Variants in NOP58 observed in about 807,000 individuals in gnomAD.
The protein encoded by NOP58 is nucleolar protein 58.
A neutral mutation model predicts 71.2 loss-of-function variants in NOP58; 44 were observed. The observed-to-expected ratio is 0.62, with a 90% CI of 0.49 to 0.79. The LOEUF (loss-of-function observed/expected upper bound fraction) is 0.79. Ranked by LOEUF, NOP58 falls within the 30% of genes least tolerant of loss-of-function variation. NOP58 has a pLI of 0.00. For missense variants in NOP58, 538 were observed against 620.2 expected, an observed-to-expected ratio of 0.87 and a Z score of 1.41; for synonymous variants, 228 against 200.3, an observed-to-expected ratio of 1.14 and a Z score of -1.17.
chr2:202,282,355 C>G lies in NOP58; in HGVS notation c.180C>G (p.Phe60Leu). The stretch of plus-strand genomic sequence containing the variant: ...GTTTTTCTTTTTCTTGAAAAGCATT[C>G]ACAGCTCTGATGGAGGGCAAAATCA... ...FQDTAEALAA[F>L]TALMEGKINK... is the part of the protein sequence containing the mutation. The change falls in exon 4 of 15, where the codon TTC (phenylalanine) becomes TTG (leucine). Residue 60 changes from phenylalanine to leucine, a missense_variant. Phe to Leu is a conservative substitution (Grantham distance 22, BLOSUM62 0). Coordinates refer to ENST00000264279, the MANE Select transcript of NOP58 (RefSeq NM_015934.5). 1 of 1,602,840 alleles carries G rather than the reference C, an allele frequency of 6.2e-7. No individual in the cohort carries two copies.
intron 2 of NOP58, chr2:202,276,487 A>G (rs368740057): frequency 4.5e-5 from 23 of 516,344 alleles, no homozygotes; most frequent in Middle Eastern, 6.6e-4. Flanking sequence ...ATCTGACTCA[A>G]TATTCGTCAC....
Position 202,297,426 on chromosome 2 carries a change from T to C in NOP58, c.1119T>C (p.Asp373=), listed in dbSNP as rs1162278841. The C allele has an allele frequency of 1.2e-6, 2 of 1,613,946 alleles. No individual in the cohort carries two copies. The highest frequency in any genetic ancestry group is 1.7e-6 in the Non-Finnish European group (2 of 1,179,956). ...AAKTVLAIRY[D]AFGEDSSSAM... Reference sequence around the variant, plus strand: ...AAACCGTTTTGGCTATCCGTTATGATGCTTTTGGTGAGGATTCAAGTTCTG... The same window carrying C: ...AAACCGTTTTGGCTATCCGTTATGACGCTTTTGGTGAGGATTCAAGTTCTG... Residue 373 remains aspartate, a synonymous_variant, in exon 11 of 15, where the codon GAT becomes GAC. Transcript: ENST00000264279.
At chr2:202,297,632 A>G in intron 11 of NOP58, 119 bp downstream of exon 11, 1 of 1,067,802 alleles carries the variant, frequency 9.4e-7, no homozygotes. Context: ...TGTCTAAAGT[A>G]TTCTTTTTGT....
chr2:202,272,861 G>T (rs1335792683), intron 1 of NOP58, among the ~76,000 whole-genome samples: 1 of 152,190 alleles, frequency 6.6e-6, no homozygotes, highest in African/African-American at 2.4e-5. Flanking sequence ...TCGGCCTGGC[G>T]GGGTGGCTCA....
At position 202,291,142 on chromosome 2, in the gene NOP58, G is replaced by A. The variant is rs749084060; in HGVS notation, c.652G>A (p.Ala218Thr). 3.7e-6 allele frequency: 6 copies of A among 1,609,652 alleles called. No homozygotes were observed. The highest frequency in any genetic ancestry group is 1.1e-5 in the South Asian group (1 of 90,072). ...TTCCATAGGCGATAGGAAGAACTAT[G>A]CCTCTGCCAAGCTTTCTGAGTTGCT... ...LQKVGDRKNYASAKLSELLPE... is the reference protein window; with the variant it reads ...LQKVGDRKNYTSAKLSELLPE... Residue 218 changes from alanine (A) to threonine (T), a missense_variant, in exon 8 of 15, where the codon GCC (alanine) becomes ACC (threonine). Physicochemically the swap from Ala to Thr is moderately conservative, Grantham distance 58. Coordinates refer to ENST00000264279, the MANE Select transcript of NOP58 (RefSeq NM_015934.5).
intron 6 of NOP58, among the ~76,000 whole-genome samples, chr2:202,288,845 G>C (rs114351252): frequency 6.6e-6 from 1 of 151,792 alleles, no homozygotes; most frequent in Non-Finnish European, 1.5e-5. Context: ...TCGGCTGGGC[G>C]CAGTGGCTCA....
intron 1 of NOP58, among the ~76,000 whole-genome samples, chr2:202,269,551 A>C (rs1688479187): frequency 1.3e-5 from 2 of 152,050 alleles, no homozygotes; most frequent in Admixed American, 6.6e-5. Context: ...TGTGTAAAGG[A>C]ACTGTTGTGA....
At chr2:202,267,759 G>T (rs947422209) in intron 1 of NOP58, among the ~76,000 whole-genome samples, 1 of 152,100 alleles carries the variant, frequency 6.6e-6, no homozygotes, top group African/African-American at 2.4e-5. Context: ...GCTTATCAAT[G>T]GTCGGATTTC....
rs1042468672 is a variant in NOP58, at chr2:202,303,562, A to G, written c.*126A>G. Reference sequence around the variant, plus strand: ...AGTAAGACAAAGTGATTTATCATCTATAACTTCAAACCTATTTGTCTTGAC... The same window carrying G: ...AGTAAGACAAAGTGATTTATCATCTGTAACTTCAAACCTATTTGTCTTGAC... On this transcript the variant is annotated 3_prime_UTR_variant, in exon 15 of 15. Transcript: ENST00000264279. 2 of 1,251,076 alleles carry G rather than the reference A, an allele frequency of 1.6e-6. No homozygotes were observed. The highest frequency in any genetic ancestry group is 1.1e-6 in the Non-Finnish European group (1 of 933,284). The allele number at this position is 1,251,076 out of a possible 1,614,324, so 77.5% of individuals were successfully genotyped here. A position where few individuals can be genotyped will look rare whatever the true frequency, so the allele number is the denominator to read the frequency against.
chr2:202,291,364 G>T, intron 8 of NOP58, 94 bp downstream of exon 8: 1 of 887,348 alleles, frequency 1.1e-6, no homozygotes, highest in Non-Finnish European at 1.7e-6. Context: ...ACTTATTGTT[G>T]TTCACCTGAT....
chr2:202,277,388 G>A (rs536794895), intron 2 of NOP58, among the ~76,000 whole-genome samples: 1 of 151,688 alleles, frequency 6.6e-6, no homozygotes, highest in South Asian at 2.1e-4. Context: ...TGAGGCAGGA[G>A]AATTGCTTGA....
chr2:202,278,777 C>T (rs1688651085), intron 3 of NOP58, among the ~76,000 whole-genome samples: 1 of 152,112 alleles, frequency 6.6e-6, no homozygotes, highest in Non-Finnish European at 1.5e-5. Context: ...TGGCTTAAAG[C>T]TGGGCAAGAA....
intron 1 of NOP58, among the ~76,000 whole-genome samples, chr2:202,268,674 C>T (rs951195120): frequency 2.7e-4 from 41 of 149,448 alleles, no homozygotes; most frequent in South Asian, 2.3e-3. Flanking sequence ...TGCAATGGCG[C>T]GATCTTGGCT....
At chr2:202,281,815 A>G (rs1286842774) in intron 3 of NOP58, among the ~76,000 whole-genome samples, 1 of 152,246 alleles carries the variant, frequency 6.6e-6, no homozygotes, top group African/African-American at 2.4e-5. Flanking sequence ...AGAACTTGCC[A>G]GAAATACCAG....
chr2:202,270,441 C>G (rs1445516074), intron 1 of NOP58, among the ~76,000 whole-genome samples: 1 of 152,182 alleles, frequency 6.6e-6, no homozygotes, highest in South Asian at 2.1e-4. Flanking sequence ...TTAACTTGCT[C>G]ATATTGTCTG....
At chr2:202,274,430 CG>C (rs1364825039) in intron 1 of NOP58, among the ~76,000 whole-genome samples, 1 of 122,432 alleles carries the variant, frequency 8.2e-6, no homozygotes, top group Non-Finnish European at 1.6e-5. Flanking sequence ...TTTGTAGAGA[CG>C]GGGTTTCTCC....
Position 202,285,341 on chromosome 2 carries a change from A to ATTT in NOP58, c.434+883_434+885dup, listed in dbSNP as rs932875625. On this transcript the variant is annotated intron_variant, in intron 5 of 14. Coordinates refer to ENST00000264279, the MANE Select transcript of NOP58 (RefSeq NM_015934.5). Reference sequence around the variant, plus strand: ...ATAGGCATGAGCCACCACACCCGGCATTTTTTTTTTTTTTTTTTTTTTTTT... The same window carrying ATTT: ...ATAGGCATGAGCCACCACACCCGGCATTTTTTTTTTTTTTTTTTTTTTTTTTTT... Among the ~76,000 whole-genome samples the ATTT allele has an allele frequency of 1.6e-3, 131 of 81,234 alleles. 2 individuals are homozygous for ATTT. The highest frequency in any genetic ancestry group is 2.5e-3 in the Non-Finnish European group (108 of 43,940). 53.3% of individuals were successfully genotyped at this position (81,234 alleles called of 152,430 possible). A position where few individuals can be genotyped will look rare whatever the true frequency, so the allele number is the denominator to read the frequency against.
intron 14 of NOP58, 93 bp from the exon 15 acceptor site, chr2:202,303,293 C>CT (rs896574534): frequency 1.3e-6 from 2 of 1,555,428 alleles, no homozygotes; most frequent in East Asian, 2.2e-5. Flanking sequence ...CTCAAGCTTA[C>CT]TTTTTTTATA....
chr2:202,272,663 T>C (rs907077352), intron 1 of NOP58, among the ~76,000 whole-genome samples: 2 of 152,156 alleles, frequency 1.3e-5, no homozygotes, highest in Non-Finnish European at 2.9e-5. Flanking sequence ...CTGAAAACAC[T>C]GATTAAAATT....
Sources: allele counts gnomAD v4.1 joint callset (sites outside exome capture counted in the v4.1 genomes callset), GRCh38; gene constraint gnomAD v4.1.1; transcripts MANE v1.5; gene names NCBI Gene and HGNC (gene_info 2026-07-23, HGNC 2026-07-21).